The following LMLN variants were observed in gnomAD, a reference collection of about 807,000 sequenced individuals.
LMLN encodes leishmanolysin-like peptidase.
Under a neutral mutation model 92.3 loss-of-function variants are expected in LMLN, and 70 were observed. That is an observed-to-expected ratio of 0.76 (90% CI 0.63 to 0.92). The LOEUF (loss-of-function observed/expected upper bound fraction) is 0.92, where lower values mean the gene tolerates loss of function less well. LMLN is among the 40% of genes least tolerant of loss of function. The pLI is 0.00. For synonymous variants in LMLN, 308 were observed against 296.2 expected, an observed-to-expected ratio of 1.04 and a Z score of -0.41; for missense variants, 691 against 814.6, an observed-to-expected ratio of 0.85 and a Z score of 1.85.
At chr3:197,998,221 A>C (rs1722079104) in intron 10 of LMLN, among the ~76,000 whole-genome samples, 1 of 152,216 alleles carries the variant, frequency 6.6e-6, no homozygotes, top group Non-Finnish European at 1.5e-5. Context: ...CCCAAATAGG[A>C]ACCAGTATCT....
chr3:198,029,435 G>T (rs1723019350), intron 14 of LMLN, among the ~76,000 whole-genome samples: 1 of 152,176 alleles, frequency 6.6e-6, no homozygotes, highest in South Asian at 2.1e-4. Context: ...CCAGCACTTT[G>T]GTTGGCTGAG....
chr3:198,035,742 A>G, intron 14 of LMLN, 91 bp from the exon 16 acceptor site: 5 of 986,020 alleles, frequency 5.1e-6, no homozygotes, highest in East Asian at 2.6e-5. Context: ...AAGTTTTAAT[A>G]TATTTTCCTG....
At chr3:197,974,921 G>C in intron 2 of LMLN, 121 bp from the exon 3 acceptor site, 1 of 692,106 alleles carries the variant, frequency 1.4e-6, no homozygotes, top group Non-Finnish European at 2.6e-6. Context: ...TAAAAGAATG[G>C]CTGCTCCATA....
intron 13 of LMLN, among the ~76,000 whole-genome samples, chr3:198,023,599 A>G (rs910946708): frequency 8.5e-5 from 13 of 152,266 alleles, no homozygotes; most frequent in Admixed American, 7.8e-4. Flanking sequence ...TATATAATTC[A>G]GATTTATCAA....
exon 1 of LMLN, chr3:197,960,245 G>A (rs766662489): frequency 2.5e-6 from 4 of 1,611,202 alleles, no homozygotes; most frequent in African/African-American, 1.3e-5. Context: ...TCGGCCCGAA[G>A]ATGGCGGCCG....
At position 198,011,434 on chromosome 3, in the gene LMLN, C is replaced by G. The variant is rs542524207; in HGVS notation, c.1233-7819C>G. Among the ~76,000 whole-genome samples, 328 of 152,158 alleles carry G rather than the reference C, an allele frequency of 2.2e-3. 2 individuals carry two copies. Among genetic ancestry groups the G allele is most frequent in the African/African-American group, 7.8e-3 (323 of 41,488 alleles). ...TGATGGTTTCCAGCTTCATCCATGT[C>G]CCTACAAAGGACATGAACTCATCCT... On this transcript the variant is annotated intron_variant, in intron 11 of 15. Coordinates refer to ENST00000330198, the Ensembl canonical transcript of LMLN.
intron 15 of LMLN, 77 bp from the exon 17 acceptor site, chr3:198,038,490 T>C: frequency 9.7e-7 from 1 of 1,027,040 alleles, no homozygotes; most frequent in Non-Finnish European, 1.5e-6. Flanking sequence ...TCACTGCTCT[T>C]CATCTGTCAA....
chr3:197,977,526 C>T (rs1022106738), intron 5 of LMLN, among the ~76,000 whole-genome samples: 1 of 151,384 alleles, frequency 6.6e-6, no homozygotes, highest in Non-Finnish European at 1.5e-5. Flanking sequence ...AGTATACACA[C>T]GTTAAATCTG....
intron 1 of LMLN, among the ~76,000 whole-genome samples, chr3:197,963,202 T>G (rs1437623519): frequency 3.1e-5 from 2 of 64,960 alleles, no homozygotes; most frequent in Non-Finnish European, 5.1e-5. Context: ...TTTCTCTCTC[T>G]TTTTTTTTTT....
chr3:198,039,766 G>A (rs1430739092), exon 16 of LMLN: 2 of 152,174 alleles, frequency 1.3e-5, no homozygotes, highest in Admixed American at 6.5e-5. Context: ...TCAGTGTGCT[G>A]GTAGCCCTCT....
intron 11 of LMLN, among the ~76,000 whole-genome samples, chr3:198,012,898 A>C (rs1346478162): frequency 1.6e-5 from 2 of 123,572 alleles, no homozygotes; most frequent in Non-Finnish European, 3.2e-5. Flanking sequence ...AACTAGTCTG[A>C]CTTCTCTGTA....
intron 11 of LMLN, among the ~76,000 whole-genome samples, chr3:198,006,564 G>C (rs1355033751): frequency 6.6e-6 from 1 of 152,136 alleles, no homozygotes. Context: ...ATTTGGCGTT[G>C]TCACAATTTT....
intron 8 of LMLN, among the ~76,000 whole-genome samples, chr3:197,989,705 G>T (rs55747038): frequency 1.5e-3 from 230 of 152,194 alleles, no homozygotes; most frequent in African/African-American, 5.1e-3. Context: ...ATCTCATAGG[G>T]TTGTTGAAAA....
At chr3:197,967,774 C>T (rs1477520899) in intron 1 of LMLN, among the ~76,000 whole-genome samples, 3 of 152,144 alleles carry the variant, frequency 2.0e-5, no homozygotes. Context: ...TTATCTCAAC[C>T]ACATAAGACA....
intron 11 of LMLN, among the ~76,000 whole-genome samples, chr3:198,007,602 A>G (rs540409572): frequency 5.9e-5 from 9 of 152,208 alleles, no homozygotes; most frequent in Non-Finnish European, 1.2e-4. Context: ...TAATTATTTA[A>G]TAAGTCTTGA....
At chr3:198,024,980 C>G (rs1048617684) in intron 14 of LMLN, among the ~76,000 whole-genome samples, 192 bp downstream of exon 15, 1 of 151,944 alleles carries the variant, frequency 6.6e-6, no homozygotes, top group African/African-American at 2.4e-5. Flanking sequence ...GAAAAAGTGC[C>G]TCTTAAAAAT....
rs77233098 is a variant in LMLN at position 198,007,518 on chromosome 3, T to C, written c.1232+8176T>C. 3.1e-3 allele frequency among the ~76,000 whole-genome samples: 467 copies of C among 152,364 alleles called. 3 individuals are homozygous for C. Among genetic ancestry groups the C allele is most frequent in the Admixed American group, 4.8e-3 (73 of 15,310 alleles). On this transcript the variant is annotated intron_variant, in intron 11 of 15. Coordinates refer to ENST00000330198, the Ensembl canonical transcript of LMLN. The stretch of plus-strand genomic sequence containing the variant: ...TTGTGGTGATCTGTTTCTATCTGTT[T>C]CTGTGTTTTCCGTTCTGTTCTAGTG...
At chr3:197,960,483 C>A in intron 1 of LMLN, 43 bp downstream of exon 1, 1 of 1,567,560 alleles carries the variant, frequency 6.4e-7, no homozygotes, top group South Asian at 1.1e-5. Context: ...AGGGTAAAGT[C>A]ACCCAGAAGG....
Position 197,982,925 on chromosome 3 carries a change from C to T in LMLN, c.729-1018C>T, listed in dbSNP as rs1370341732. ...CAGAAGCCATGTACACCTGTTGCTT[C>T]AGGAGCCCCTCAGTGGACACTGTCG... On this transcript the variant is annotated intron_variant, in intron 6 of 15. Coordinates refer to ENST00000330198, the Ensembl canonical transcript of LMLN. Among the ~76,000 whole-genome samples, 4 of 152,302 alleles carry T rather than the reference C, an allele frequency of 2.6e-5. No individual in the cohort carries two copies. In the South Asian group the frequency reaches 8.3e-4, roughly 32 times the overall value.
Sources: allele counts gnomAD v4.1 joint callset (sites outside exome capture counted in the v4.1 genomes callset), GRCh38; gene constraint gnomAD v4.1.1; transcripts MANE v1.5; gene names NCBI Gene and HGNC (gene_info 2026-07-23, HGNC 2026-07-21).